Variants in SLC13A1 observed in about 807,000 individuals in gnomAD.
SLC13A1 encodes the protein solute carrier family 13 member 1, also known as Na(+)/sulfate cotransporter.
SLC13A1 carries 65 observed loss-of-function variants against 70.0 expected under a neutral mutation model. The observed-to-expected ratio is 0.93, with a 90% confidence interval of 0.76 to 1.14. SLC13A1 has a LOEUF of 1.14. Ranked by LOEUF, SLC13A1 falls within the 50% of genes most tolerant of loss-of-function variation. SLC13A1 has a pLI of 0.00. For missense variants in SLC13A1, 726 were observed against 717.8 expected (o/e 1.01, Z -0.13); for synonymous variants, 275 against 250.5 (o/e 1.10, Z -0.92).
Position 123,129,402 on chromosome 7 carries a change from G to T in SLC13A1, c.1012C>A (p.Gln338Lys). 2 of 1,584,206 alleles carry T rather than the reference G, an allele frequency of 1.3e-6. No homozygotes were observed. The highest frequency in any genetic ancestry group is 1.7e-6 in the Non-Finnish European group (2 of 1,166,438). ...TCTTACCTTATTGGCCCAAGCTTTT[G>T]GTATTCTTGCTTAATCACCTCAGCA... is the stretch of plus-strand genomic sequence containing the variant. ...ACAEVIKQEYQKLGPIRYQEI... is the reference protein window; with the variant it reads ...ACAEVIKQEYKKLGPIRYQEI... The change falls in exon 9 of 15, where the codon CAA (glutamine) becomes AAA (lysine). Residue 338 changes from glutamine to lysine, a missense_variant. Gln to Lys is a moderately conservative substitution (Grantham distance 53, BLOSUM62 1). Coordinates refer to ENST00000194130, the MANE Select transcript of SLC13A1 (RefSeq NM_022444.4).
chr7:123,125,696 T>A (rs1793536635), intron 10 of SLC13A1, 21 bp from the exon 11 acceptor site: 4 of 1,549,704 alleles, frequency 2.6e-6, no homozygotes, highest in South Asian at 2.3e-5. Context: ...GACAAATACA[T>A]GTATTAAAAA....
At chr7:123,168,907 C>T (rs1795161825) in intron 4 of SLC13A1, among the ~76,000 whole-genome samples, 2 of 152,148 alleles carry the variant, frequency 1.3e-5, no homozygotes, top group African/African-American at 2.4e-5. Context: ...AGTGTTCCAT[C>T]AGTCTGGCTG....
At chr7:123,172,792 C>T (rs996049651) in intron 2 of SLC13A1, among the ~76,000 whole-genome samples, 7 of 151,162 alleles carry the variant, frequency 4.6e-5, no homozygotes, top group Admixed American at 4.6e-4. Context: ...GGTACATAAT[C>T]TTTTTTTTTA....
intron 10 of SLC13A1, among the ~76,000 whole-genome samples, chr7:123,127,923 G>C (rs1374920918): frequency 2.1e-5 from 3 of 139,650 alleles, no homozygotes; most frequent in African/African-American, 8.2e-5. Flanking sequence ...TTAGAAATTA[G>C]AGTAGTTCAG....
At chr7:123,121,488 C>T (rs1007856010) in intron 12 of SLC13A1, among the ~76,000 whole-genome samples, 2 of 152,096 alleles carry the variant, frequency 1.3e-5, no homozygotes, top group African/African-American at 2.4e-5. Context: ...CTCTTCTTGT[C>T]CCTGTCATAT....
At chr7:123,163,455 T>C (rs1028404354) in intron 6 of SLC13A1, among the ~76,000 whole-genome samples, 4 of 152,072 alleles carry the variant, frequency 2.6e-5, no homozygotes, top group Non-Finnish European at 5.9e-5. Context: ...ATATGCAGCA[T>C]AGGAAAGTGA....
intron 2 of SLC13A1, among the ~76,000 whole-genome samples, chr7:123,177,528 G>A (rs1795486799): frequency 6.6e-6 from 1 of 151,980 alleles, no homozygotes; most frequent in South Asian, 2.1e-4. Flanking sequence ...GACCCTACCT[G>A]GTCCATTGCC....
rs200436189 is a variant in SLC13A1 at position 123,134,444 on chromosome 7, A to C, written c.898T>G (p.Trp300Gly). 1.5e-5 allele frequency: 24 copies of C among 1,613,318 alleles called. No individual in the cohort carries two copies. The highest frequency in any genetic ancestry group is 1.3e-5 in the Non-Finnish European group (15 of 1,179,546). Residue 300 changes from tryptophan to glycine, a missense_variant, in exon 8 of 15, where the codon TGG (tryptophan) becomes GGG (glycine). Coordinates refer to ENST00000194130, the MANE Select transcript of SLC13A1 (RefSeq NM_022444.4). The stretch of plus-strand genomic sequence containing the variant: ...AGGAAAAGCCACTGAAGCCAGATCC[A>C]GGATAAGAGTAGAATGATAAGGGCA... ...PAALIILLLS[W>G]IWLQWLFLGF...
At chr7:123,153,208 G>A (rs1794611332) in intron 6 of SLC13A1, among the ~76,000 whole-genome samples, 1 of 151,972 alleles carries the variant, frequency 6.6e-6, no homozygotes, top group Non-Finnish European at 1.5e-5. Context: ...CATGCTTTAT[G>A]CCTTATGAAT....
intron 3 of SLC13A1, among the ~76,000 whole-genome samples, chr7:123,169,947 C>G (rs1795211048): frequency 6.6e-6 from 1 of 152,118 alleles, no homozygotes; most frequent in Non-Finnish European, 1.5e-5. Flanking sequence ...GATTTATGCT[C>G]CCCTGAATCT....
At chr7:123,172,000 T>C in intron 2 of SLC13A1, 96 bp from the exon 3 acceptor site, 1 of 1,088,858 alleles carries the variant, frequency 9.2e-7, no homozygotes, top group Non-Finnish European at 1.3e-6. Flanking sequence ...ATTTTGACCT[T>C]CAACCGCATA....
At chr7:123,130,894 C>T (rs532868410) in intron 8 of SLC13A1, among the ~76,000 whole-genome samples, 93 of 152,018 alleles carry the variant, frequency 6.1e-4, no homozygotes, top group Non-Finnish European at 1.1e-3. Flanking sequence ...AATTTTCTGT[C>T]TTGAAGTCCA....
chr7:123,132,249 A>G (rs1327028846), intron 8 of SLC13A1, among the ~76,000 whole-genome samples: 1 of 152,178 alleles, frequency 6.6e-6, no homozygotes, highest in Non-Finnish European at 1.5e-5. Context: ...TAATAAAACC[A>G]TGGCAGTTCT....
intron 7 of SLC13A1, among the ~76,000 whole-genome samples, chr7:123,143,952 C>T (rs754174467): frequency 1.4e-4 from 22 of 151,986 alleles, no homozygotes; most frequent in Non-Finnish European, 2.5e-4. Context: ...TAAAGTCCCT[C>T]GGAAGTAGGG....
intron 1 of SLC13A1, among the ~76,000 whole-genome samples, chr7:123,185,720 C>T (rs931613900): frequency 6.6e-6 from 1 of 151,910 alleles, no homozygotes; most frequent in Non-Finnish European, 1.5e-5. Flanking sequence ...GTGTGATGCC[C>T]CCCAGCTTTG....
intron 1 of SLC13A1, among the ~76,000 whole-genome samples, chr7:123,196,984 G>A (rs1004862833): frequency 4.6e-5 from 7 of 152,096 alleles, no homozygotes; most frequent in African/African-American, 9.7e-5. Context: ...AATGTAAAAC[G>A]AGAAGCACAT....
intron 8 of SLC13A1, among the ~76,000 whole-genome samples, chr7:123,133,982 C>A (rs1228538054): frequency 6.6e-6 from 1 of 152,106 alleles, no homozygotes; most frequent in South Asian, 2.1e-4. Context: ...GGACCAGAGG[C>A]GCACACCACC....
At chr7:123,181,132 A>G (rs1243507036) in intron 1 of SLC13A1, 31 bp from the exon 2 acceptor site, 13 of 1,602,164 alleles carry the variant, frequency 8.1e-6, no homozygotes, top group Non-Finnish European at 1.1e-5. Context: ...GCAAAAGGTG[A>G]TATTATGAGG....
intron 1 of SLC13A1, among the ~76,000 whole-genome samples, chr7:123,196,053 A>C (rs1168471284): frequency 6.6e-6 from 1 of 152,080 alleles, no homozygotes; most frequent in South Asian, 2.1e-4. Context: ...AAAGAGTAAA[A>C]ATTAACAAAA....
Sources: allele counts gnomAD v4.1 joint callset (sites outside exome capture counted in the v4.1 genomes callset), GRCh38; gene constraint gnomAD v4.1.1; transcripts MANE v1.5; gene names NCBI Gene and HGNC (gene_info 2026-07-23, HGNC 2026-07-21).